The following CRIM1 variants were observed in gnomAD, a reference collection of about 807,000 sequenced individuals.
CRIM1 encodes cysteine rich transmembrane BMP regulator 1.
A neutral mutation model predicts 116.4 loss-of-function variants in CRIM1; 32 were observed. That is an observed-to-expected ratio of 0.27 (90% confidence interval 0.21 to 0.37). The LOEUF (loss-of-function observed/expected upper bound fraction) is 0.37, where lower values mean the gene tolerates loss of function less well. CRIM1 is among the 10% of genes least tolerant of loss of function. CRIM1 has a pLI of 1.00. For synonymous variants in CRIM1, 590 were observed against 509.2 expected (o/e 1.16, Z -2.13); for missense variants, 1,331 against 1,354.8 (o/e 0.98, Z 0.28).
intron 7 of CRIM1, among the ~76,000 whole-genome samples, chr2:36,489,392 C>T (rs890400119): frequency 1.3e-5 from 2 of 152,170 alleles, no homozygotes; most frequent in Non-Finnish European, 2.9e-5. Flanking sequence ...GCCTTGCATA[C>T]GGAGAGGGTC....
chr2:36,473,975 A>G (rs993592767), intron 5 of CRIM1, among the ~76,000 whole-genome samples: 4 of 152,146 alleles, frequency 2.6e-5, no homozygotes, highest in African/African-American at 7.2e-5. Context: ...CTAAAAATCT[A>G]TGAGAATTCC....
At chr2:36,408,309 A>T (rs768215564) in intron 2 of CRIM1, among the ~76,000 whole-genome samples, 1 of 151,872 alleles carries the variant, frequency 6.6e-6, no homozygotes, top group Admixed American at 6.6e-5. Flanking sequence ...AGCCCTGAGC[A>T]CTCCTGCGCG....
chr2:36,430,546 G>A (rs1674804597), intron 2 of CRIM1, among the ~76,000 whole-genome samples: 1 of 152,192 alleles, frequency 6.6e-6, no homozygotes, highest in Non-Finnish European at 1.5e-5. Flanking sequence ...GTCTCTGGGT[G>A]CCCTCTTGGC....
chr2:36,479,783 T>C (rs996769277), intron 7 of CRIM1, 89 bp downstream of exon 7: 4 of 1,302,320 alleles, frequency 3.1e-6, no homozygotes, highest in Non-Finnish European at 4.4e-6. Context: ...GTTTATTTCC[T>C]TGGGCATAAT....
intron 7 of CRIM1, among the ~76,000 whole-genome samples, chr2:36,495,219 C>T (rs1274080586): frequency 9.9e-5 from 15 of 152,142 alleles, no homozygotes; most frequent in Non-Finnish European, 2.2e-4. Context: ...TTCTCCGACA[C>T]ACAGTTTCAG....
intron 12 of CRIM1, among the ~76,000 whole-genome samples, chr2:36,521,414 A>C (rs964150962): frequency 6.6e-6 from 1 of 152,164 alleles, no homozygotes; most frequent in African/African-American, 2.4e-5. Context: ...CTGAATATTG[A>C]TTGGTCAAAA....
chr2:36,459,956 G>A (rs1300559515), intron 4 of CRIM1, among the ~76,000 whole-genome samples: 1 of 152,164 alleles, frequency 6.6e-6, no homozygotes, highest in Non-Finnish European at 1.5e-5. Context: ...AGGACATGAA[G>A]GGAAAGCTTA....
intron 1 of CRIM1, among the ~76,000 whole-genome samples, chr2:36,388,309 G>A (rs17018679): frequency 0.21 from 32,211 of 151,942 alleles, 3,517 homozygotes; most frequent in Admixed American, 0.29. Context: ...AAAGACCTTT[G>A]GCTTGCCTTA....
intron 7 of CRIM1, among the ~76,000 whole-genome samples, chr2:36,490,659 C>G (rs1196105427): frequency 6.6e-6 from 1 of 152,096 alleles, no homozygotes; most frequent in Admixed American, 6.5e-5. Context: ...TTTGACCTTG[C>G]TGTTTGACTT....
chr2:36,391,450 T>G (rs1383136355), intron 1 of CRIM1, among the ~76,000 whole-genome samples: 1 of 152,078 alleles, frequency 6.6e-6, no homozygotes, highest in East Asian at 1.9e-4. Flanking sequence ...TTTTAGAACA[T>G]TAATGTGCTG....
At chr2:36,467,267 C>T (rs1678119834) in intron 5 of CRIM1, among the ~76,000 whole-genome samples, 1 of 152,144 alleles carries the variant, frequency 6.6e-6, no homozygotes, top group Admixed American at 6.6e-5. Flanking sequence ...CAGTCATTCA[C>T]CTGTAGAGGA....
At chr2:36,404,435 C>A (rs1323098696) in intron 2 of CRIM1, among the ~76,000 whole-genome samples, 12 of 152,216 alleles carry the variant, frequency 7.9e-5, no homozygotes, top group Non-Finnish European at 1.8e-4. Context: ...TAGTCATAGA[C>A]TCTTTCAGTC....
At chr2:36,392,684 G>A (rs1290839479) in intron 1 of CRIM1, among the ~76,000 whole-genome samples, 1 of 152,134 alleles carries the variant, frequency 6.6e-6, no homozygotes, top group Non-Finnish European at 1.5e-5. Context: ...AAAATATAGT[G>A]TTCTGTAATT....
chr2:36,418,719 C>T (rs548702506), intron 2 of CRIM1, among the ~76,000 whole-genome samples: 1 of 152,174 alleles, frequency 6.6e-6, no homozygotes, highest in Non-Finnish European at 1.5e-5. Context: ...GAAATCACAT[C>T]TATAGATCAC....
At chr2:36,435,645 G>A (rs1045759821) in intron 2 of CRIM1, among the ~76,000 whole-genome samples, 1 of 149,158 alleles carries the variant, frequency 6.7e-6, no homozygotes, top group Non-Finnish European at 1.5e-5. Flanking sequence ...ACTTTCAATG[G>A]CAAAAACAGC....
At chr2:36,431,086 A>T (rs1245584951) in intron 2 of CRIM1, among the ~76,000 whole-genome samples, 1 of 151,948 alleles carries the variant, frequency 6.6e-6, no homozygotes, top group Admixed American at 6.6e-5. Context: ...ACCCATGCCT[A>T]TGAGTGTGTG....
chr2:36,503,893 C>G (rs2125094512), intron 8 of CRIM1, among the ~76,000 whole-genome samples: 1 of 151,460 alleles, frequency 6.6e-6, no homozygotes, highest in Non-Finnish European at 1.5e-5. Context: ...TTTTTTTATA[C>G]AGGGTCTTGC....
At chr2:36,494,746 T>C (rs1680461402) in intron 7 of CRIM1, among the ~76,000 whole-genome samples, 1 of 152,156 alleles carries the variant, frequency 6.6e-6, no homozygotes, top group African/African-American at 2.4e-5. Context: ...TATTTTAGAA[T>C]TCTTCTCCAC....
chr2:36,517,824 C>T (rs994304113), intron 12 of CRIM1, among the ~76,000 whole-genome samples: 1 of 152,096 alleles, frequency 6.6e-6, no homozygotes, highest in African/African-American at 2.4e-5. Context: ...AAACTCGAGG[C>T]GTATACCTAA....
Sources: gnomAD v4.1 joint callset for allele counts (sites outside exome capture counted in the v4.1 genomes callset) on GRCh38, gnomAD v4.1.1 for gene constraint, MANE v1.5 for transcripts, NCBI Gene and HGNC (gene_info 2026-07-23, HGNC 2026-07-21) for gene names.